The following GRK5 variants were observed in gnomAD, a reference collection of about 807,000 sequenced individuals.
GRK5 encodes G protein-coupled receptor kinase 5.
Under a neutral mutation model 78.4 loss-of-function variants are expected in GRK5, and 40 were observed. The observed-to-expected ratio is 0.51, with a 90% CI of 0.40 to 0.66. The LOEUF (loss-of-function observed/expected upper bound fraction) is 0.66, where lower values mean the gene tolerates loss of function less well. Among genes scored for constraint, GRK5 ranks in the 30% least tolerant of loss-of-function variants. The pLI is 0.00. For synonymous variants in GRK5, 289 were observed against 296.8 expected, an observed-to-expected ratio of 0.97 and a Z score of 0.27; for missense variants, 598 against 759.9, an observed-to-expected ratio of 0.79 and a Z score of 2.50.
At chr10:119,274,894 T>C (rs61874483) in intron 1 of GRK5, among the ~76,000 whole-genome samples, 7,899 of 151,928 alleles carry the variant, frequency 0.052, 402 homozygotes, top group African/African-American at 0.13. Flanking sequence ...TATGAGAGAG[T>C]TGCTGTGCAA....
chr10:119,211,251 A>G (rs533854889), intron 1 of GRK5, among the ~76,000 whole-genome samples: 2 of 152,354 alleles, frequency 1.3e-5, no homozygotes, highest in East Asian at 3.9e-4. Context: ...AAAGAAGTTG[A>G]GACTGAATTC....
At chr10:119,348,122 G>C (rs1203019618) in intron 2 of GRK5, among the ~76,000 whole-genome samples, 2 of 152,218 alleles carry the variant, frequency 1.3e-5, no homozygotes, top group Admixed American at 6.5e-5. Flanking sequence ...CTTGCTATGT[G>C]TGTTGGCTTA....
intron 4 of GRK5, among the ~76,000 whole-genome samples, chr10:119,418,553 G>T (rs1171483124): frequency 6.6e-6 from 1 of 152,208 alleles, no homozygotes; most frequent in Non-Finnish European, 1.5e-5. Flanking sequence ...AGGGATAGCT[G>T]GGTGTCACCC....
intron 1 of GRK5, among the ~76,000 whole-genome samples, chr10:119,325,874 G>A (rs1258758632): frequency 6.6e-6 from 1 of 152,284 alleles, no homozygotes; most frequent in East Asian, 1.9e-4. Context: ...CATTGTGCGT[G>A]TGCATGTTCA....
At chr10:119,308,455 G>A (rs749607409) in intron 1 of GRK5, among the ~76,000 whole-genome samples, 31 of 152,212 alleles carry the variant, frequency 2.0e-4, no homozygotes, top group Non-Finnish European at 3.4e-4. Flanking sequence ...TGGGCCAGGC[G>A]TGTGCCCCCT....
intron 2 of GRK5, among the ~76,000 whole-genome samples, chr10:119,345,453 C>T (rs1474299587): frequency 1.3e-5 from 2 of 152,152 alleles, no homozygotes; most frequent in Non-Finnish European, 2.9e-5. Flanking sequence ...CAGAATTCGC[C>T]CATGGGTTGG....
At chr10:119,365,857 C>G (rs1418795404) in intron 2 of GRK5, among the ~76,000 whole-genome samples, 1 of 152,242 alleles carries the variant, frequency 6.6e-6, no homozygotes, top group Admixed American at 6.5e-5. Context: ...CAGTTCACAG[C>G]CTGGGCCAGC....
chr10:119,449,510 T>A (rs1307737533), intron 13 of GRK5, among the ~76,000 whole-genome samples: 1 of 152,062 alleles, frequency 6.6e-6, no homozygotes, highest in Non-Finnish European at 1.5e-5. Context: ...ACTGAGAATA[T>A]AAAGAGTAGG....
chr10:119,387,301 G>A (rs1851816255), intron 3 of GRK5, among the ~76,000 whole-genome samples: 1 of 152,176 alleles, frequency 6.6e-6, no homozygotes, highest in African/African-American at 2.4e-5. Flanking sequence ...ACCGTGCCCG[G>A]CCTTCTGTGC....
intron 2 of GRK5, among the ~76,000 whole-genome samples, chr10:119,328,344 C>A (rs1000892347): frequency 1.3e-5 from 2 of 152,064 alleles, no homozygotes; most frequent in Admixed American, 1.3e-4. Context: ...CCAGGGAGAA[C>A]CCCTCTGGTG....
intron 2 of GRK5, among the ~76,000 whole-genome samples, chr10:119,342,787 G>T (rs982613306): frequency 1.3e-5 from 2 of 152,206 alleles, no homozygotes; most frequent in Non-Finnish European, 2.9e-5. Flanking sequence ...GGCAGCGCAG[G>T]CTGGGCTACA....
chr10:119,360,907 G>A (rs1392843671), intron 2 of GRK5, among the ~76,000 whole-genome samples: 2 of 152,162 alleles, frequency 1.3e-5, no homozygotes, highest in Non-Finnish European at 2.9e-5. Flanking sequence ...TTCTCTGGTG[G>A]GAAACGGTGG....
chr10:119,280,194 C>G (rs1171942146), intron 1 of GRK5, among the ~76,000 whole-genome samples: 1 of 152,168 alleles, frequency 6.6e-6, no homozygotes, highest in Non-Finnish European at 1.5e-5. Flanking sequence ...GGGAAAGCAA[C>G]TTAACAAAAA....
chr10:119,276,267 C>G (rs146083774), intron 1 of GRK5, among the ~76,000 whole-genome samples: 14 of 152,216 alleles, frequency 9.2e-5, no homozygotes, highest in African/African-American at 3.1e-4. Flanking sequence ...TCCCTCCCCC[C>G]TCCTCCCACC....
chr10:119,301,036 A>T (rs2133721498), intron 1 of GRK5, among the ~76,000 whole-genome samples: 2 of 152,240 alleles, frequency 1.3e-5, no homozygotes, highest in East Asian at 3.9e-4. Context: ...CCCAGGAGGC[A>T]GAGGTTGCAG....
chr10:119,364,295 G>A (rs959068091), intron 2 of GRK5, among the ~76,000 whole-genome samples: 1 of 152,236 alleles, frequency 6.6e-6, no homozygotes, highest in Non-Finnish European at 1.5e-5. Context: ...TCCCTTGGGG[G>A]TGGAGCTCTG....
At chr10:119,392,647 G>A (rs192422870) in intron 3 of GRK5, among the ~76,000 whole-genome samples, 14 of 151,974 alleles carry the variant, frequency 9.2e-5, no homozygotes, top group African/African-American at 3.1e-4. Context: ...CAGGTGATCC[G>A]CCCGCCTCGG....
chr10:119,208,186 T>C lies in GRK5; in HGVS notation c.52+217T>C, dbSNP rs116580457. Among the ~76,000 whole-genome samples, 660 of 152,348 alleles carry C rather than the reference T, an allele frequency of 4.3e-3. 8 individuals are homozygous for C. Among genetic ancestry groups the C allele is most frequent in the African/African-American group, 0.015 (639 of 41,584 alleles). On this transcript the variant is annotated intron_variant, in intron 1 of 15. Transcript: ENST00000392870. ...CTTGGGCTGAGAAGGTTGCAGGGAT[T>C]TGGATGCTAACATATCTCCTAGTTT...
chr10:119,334,384 C>G (rs1029708533), intron 2 of GRK5: 1 of 155,480 alleles, frequency 6.4e-6, no homozygotes. Context: ...TATGAACTAA[C>G]GGATTTTCAA....
Sources: allele counts gnomAD v4.1 joint callset (sites outside exome capture counted in the v4.1 genomes callset), GRCh38; gene constraint gnomAD v4.1.1; transcripts MANE v1.5; gene names NCBI Gene and HGNC (gene_info 2026-07-23, HGNC 2026-07-21).